The following TRPM3 variants were observed in gnomAD, a reference collection of about 807,000 sequenced individuals.
The protein encoded by TRPM3 is long transient receptor potential channel 3.
TRPM3 carries 77 observed loss-of-function variants against 181.2 expected under a neutral mutation model. The observed-to-expected ratio is 0.42, with a 90% confidence interval of 0.35 to 0.51. The LOEUF (loss-of-function observed/expected upper bound fraction) is 0.51, where lower values mean the gene tolerates loss of function less well. Among genes scored for constraint, TRPM3 ranks in the 20% least tolerant of loss-of-function variants. The pLI, the probability that TRPM3 is intolerant of heterozygous loss-of-function variation, is 0.01. For synonymous variants in TRPM3, 745 were observed against 796.4 expected (o/e 0.94, Z 1.09); for missense variants, 1,759 against 2,196.7 (o/e 0.80, Z 3.98).
chr9:70,653,374 C>T (rs112287947), intron 9 of TRPM3, among the ~76,000 whole-genome samples: 5 of 152,026 alleles, frequency 3.3e-5, no homozygotes, highest in African/African-American at 4.8e-5. Flanking sequence ...GAGGGAGTTG[C>T]GGACCAGAGT....
At chr9:71,167,455 AAAC>A (rs771156517) in intron 1 of TRPM3, among the ~76,000 whole-genome samples, 18 of 152,328 alleles carry the variant, frequency 1.2e-4, no homozygotes, top group Non-Finnish European at 1.0e-4. Flanking sequence ...ACAACCAATC[AAAC>A]AACAACATAT....
At chr9:71,060,526 C>G (rs2061202113) in intron 1 of TRPM3, among the ~76,000 whole-genome samples, 1 of 152,152 alleles carries the variant, frequency 6.6e-6, no homozygotes, top group Non-Finnish European at 1.5e-5. Context: ...GCCTGTCAGA[C>G]TCTCAGTGCT....
chr9:70,643,285 G>A (rs1357027616), intron 9 of TRPM3, among the ~76,000 whole-genome samples: 2 of 152,126 alleles, frequency 1.3e-5, no homozygotes, highest in South Asian at 4.1e-4. Context: ...ATGTTTCTTT[G>A]CTTCTTTAGC....
intron 22 of TRPM3, among the ~76,000 whole-genome samples, chr9:70,577,794 C>T (rs554292098): frequency 3.7e-4 from 56 of 152,264 alleles, no homozygotes; most frequent in African/African-American, 1.3e-3. Context: ...ATAGTGGTGT[C>T]CCCCGCCCTG....
chr9:70,658,702 C>T (rs923441880), intron 9 of TRPM3, among the ~76,000 whole-genome samples: 1 of 151,826 alleles, frequency 6.6e-6, no homozygotes, highest in East Asian at 1.9e-4. Flanking sequence ...TTGTTTTTGT[C>T]CTCTTTAGAA....
intron 1 of TRPM3, among the ~76,000 whole-genome samples, chr9:70,933,807 G>C (rs967574382): frequency 6.6e-6 from 1 of 152,014 alleles, no homozygotes; most frequent in African/African-American, 2.4e-5. Context: ...ATCTAGTATA[G>C]AGAAAAGGCA....
intron 1 of TRPM3, among the ~76,000 whole-genome samples, chr9:71,408,975 C>T (rs1004513779): frequency 2.9e-4 from 44 of 152,286 alleles, no homozygotes; most frequent in African/African-American, 8.9e-4. Flanking sequence ...AAATAATTTT[C>T]AACCCAGAAT....
intron 1 of TRPM3, among the ~76,000 whole-genome samples, chr9:71,031,373 C>T (rs565387846): frequency 1.8e-4 from 27 of 152,194 alleles, no homozygotes; most frequent in Non-Finnish European, 3.2e-4. Context: ...TCGGTTCTAC[C>T]TCATAATTCT....
intron 1 of TRPM3, among the ~76,000 whole-genome samples, chr9:70,901,701 CTT>C (rs961733172): frequency 2.0e-5 from 3 of 152,118 alleles, no homozygotes; most frequent in Admixed American, 6.5e-5. Flanking sequence ...GATCAATTGA[CTT>C]TGAAAATTTG....
At chr9:70,904,508 A>G (rs2096434302) in intron 1 of TRPM3, among the ~76,000 whole-genome samples, 1 of 152,086 alleles carries the variant, frequency 6.6e-6, no homozygotes, top group African/African-American at 2.4e-5. Context: ...AGGAGGAGGG[A>G]TAAGAAGGCA....
At chr9:70,922,461 TTAA>T (rs1444226357) in intron 1 of TRPM3, among the ~76,000 whole-genome samples, 1 of 152,178 alleles carries the variant, frequency 6.6e-6, no homozygotes, top group Non-Finnish European at 1.5e-5. Flanking sequence ...ATGAACTAAT[TTAA>T]TGTTATATAA....
At chr9:71,192,309 A>G (rs2078080252) in intron 1 of TRPM3, among the ~76,000 whole-genome samples, 2 of 151,850 alleles carry the variant, frequency 1.3e-5, no homozygotes, top group Admixed American at 6.6e-5. Flanking sequence ...AATTATGAAA[A>G]GGCATGAAGT....
rs1050913748 is a variant in TRPM3 at position 70,652,479 on chromosome 9, G to T, written c.1346-11819C>A. On this transcript the variant is annotated intron_variant, in intron 9 of 25. Transcript: ENST00000677713. ...AGGACATCTAATGAGGAAGACAAAG[G>T]AGTGGTCAGAAAGGCAGAATACTCA... Among the ~76,000 whole-genome samples the T allele has an allele frequency of 2.0e-5, 3 of 152,246 alleles. No individual in the cohort carries two copies. In the East Asian group the frequency reaches 5.8e-4, roughly 29 times the overall value.
chr9:70,546,935 T>A (rs2045110321), intron 25 of TRPM3, among the ~76,000 whole-genome samples: 1 of 152,204 alleles, frequency 6.6e-6, no homozygotes, highest in Admixed American at 6.5e-5. Flanking sequence ...TATTTAGCTC[T>A]TTACATACCA....
intron 1 of TRPM3, among the ~76,000 whole-genome samples, chr9:71,165,404 G>A (rs1287782504): frequency 2.0e-5 from 3 of 152,076 alleles, no homozygotes; most frequent in Non-Finnish European, 2.9e-5. Flanking sequence ...AGCGAGACAT[G>A]GTTTCTGCCT....
chr9:71,059,859 C>T (rs535729041), intron 1 of TRPM3, among the ~76,000 whole-genome samples: 1 of 152,038 alleles, frequency 6.6e-6, no homozygotes, highest in East Asian at 1.9e-4. Flanking sequence ...ACACATACAC[C>T]CTATTGATTC....
intron 8 of TRPM3, among the ~76,000 whole-genome samples, chr9:70,686,345 C>T (rs1014088388): frequency 1.3e-5 from 2 of 152,178 alleles, no homozygotes; most frequent in Non-Finnish European, 2.9e-5. Flanking sequence ...CTATTACAAA[C>T]GCCATTGCAG....
intron 1 of TRPM3, among the ~76,000 whole-genome samples, chr9:71,281,260 C>T (rs545863141): frequency 3.9e-5 from 6 of 152,162 alleles, no homozygotes; most frequent in Non-Finnish European, 7.4e-5. Context: ...TCAGGACACA[C>T]GGGATAAAGA....
intron 8 of TRPM3, among the ~76,000 whole-genome samples, chr9:70,691,995 CT>C (rs1378539561): frequency 1.6e-4 from 25 of 152,094 alleles, no homozygotes; most frequent in Non-Finnish European, 3.2e-4. Flanking sequence ...CTTTAGGCTG[CT>C]AAAAGTCTAA....
Sources: gnomAD v4.1 joint callset for allele counts (sites outside exome capture counted in the v4.1 genomes callset) on GRCh38, gnomAD v4.1.1 for gene constraint, MANE v1.5 for transcripts, NCBI Gene and HGNC (gene_info 2026-07-23, HGNC 2026-07-21) for gene names.